Variants in KCNQ1OT1 observed in about 807,000 individuals in gnomAD.
KCNQ1OT1 encodes KCNQ1 opposite strand/antisense transcript 1.
At chr11:2,665,763 T>C in exon 1 of KCNQ1OT1, 1 of 398,482 alleles carries the variant, frequency 2.5e-6, no homozygotes, top group Non-Finnish European at 4.4e-6. Flanking sequence ...GGAGAAGCCC[T>C]AGGATTGCTG....
rs2133799306 is a variant in KCNQ1OT1, at chr11:2,617,544, G to A, written n.82451C>T. 2 of 398,458 alleles carry A rather than the reference G, an allele frequency of 5.0e-6. No individual in the cohort carries two copies. The highest frequency in any genetic ancestry group is 8.9e-6 in the Non-Finnish European group (2 of 225,960). The allele number at this position is 398,458 out of a possible 1,614,324, so 24.7% of individuals were successfully genotyped here. A position where few individuals can be genotyped will look rare whatever the true frequency, so the allele number is the denominator to read the frequency against. On this transcript the variant is annotated non_coding_transcript_exon_variant, in exon 1 of 1. Transcript: ENST00000597346. The surrounding 1 kb of genome is among the most constrained non-coding windows in gnomAD (Gnocchi z 4.6). ...AATATAGGAGCGCAGATATCTTTAT[G>A]AGGTGGAGATTTCATTTTCTTTGGG...
exon 1 of KCNQ1OT1, chr11:2,640,806 C>G (rs933519689): frequency 2.5e-6 from 1 of 398,734 alleles, no homozygotes; most frequent in Middle Eastern, 5.7e-4. Context: ...TTTTTACCCA[C>G]TAACCAACCT....
exon 1 of KCNQ1OT1, chr11:2,649,222 T>A (rs1849719511): frequency 5.0e-6 from 2 of 398,314 alleles, no homozygotes; most frequent in Admixed American, 4.4e-5. Flanking sequence ...AAGATTGTTA[T>A]CAATAGGTGA....
Position 2,668,492 on chromosome 11 carries a change from G to T in KCNQ1OT1, n.31503C>A. On this transcript the variant is annotated non_coding_transcript_exon_variant, in exon 1 of 1. Coordinates refer to ENST00000597346, the Ensembl canonical transcript of KCNQ1OT1. This position sits in a 1 kb window ranked among gnomAD's most constrained non-coding sequence, Gnocchi z 4.3. Reference sequence around the variant, plus strand: ...TCGTTTCCTTTTCAGCCATGATGGTGAATGTCTAGCAGCATCAAATGGTGA... The same window carrying T: ...TCGTTTCCTTTTCAGCCATGATGGTTAATGTCTAGCAGCATCAAATGGTGA... 1 of 398,610 alleles carries T rather than the reference G, an allele frequency of 2.5e-6. No homozygotes were observed. The highest frequency in any genetic ancestry group is 1.3e-4 in the South Asian group (1 of 7,850). The allele number at this position is 398,610 out of a possible 1,614,324, so 24.7% of individuals were successfully genotyped here.
In KCNQ1OT1 at chr11:2,647,207, C is replaced by G. The variant is rs1217640514; in HGVS notation, n.52788G>C. The G allele has an allele frequency of 2.5e-6, 1 of 398,132 alleles. No homozygotes were observed. Among genetic ancestry groups the G allele is most frequent in the Non-Finnish European group, 4.4e-6 (1 of 225,984 alleles). The allele number at this position is 398,132 out of a possible 1,614,324, so 24.7% of individuals were successfully genotyped here. On this transcript the variant is annotated non_coding_transcript_exon_variant, in exon 1 of 1. Coordinates refer to ENST00000597346, the Ensembl canonical transcript of KCNQ1OT1. The surrounding 1 kb of genome is among the most constrained non-coding windows in gnomAD (Gnocchi z 4.0). ...AAGAGATTTTGAATTTTATCAGATG[C>G]TTTTTCTGCATCTATTGAGATGATC... is the stretch of plus-strand genomic sequence containing the variant.
Position 2,670,745 on chromosome 11 carries a change from G to A in KCNQ1OT1, n.29250C>T, listed in dbSNP as rs1850169311. 1.0e-5 allele frequency: 4 copies of A among 398,474 alleles called. No individual in the cohort carries two copies. Among genetic ancestry groups the A allele is most frequent in the Non-Finnish European group, 1.3e-5 (3 of 226,088 alleles). The allele number at this position is 398,474 out of a possible 1,614,324, so 24.7% of individuals were successfully genotyped here. On this transcript the variant is annotated non_coding_transcript_exon_variant, in exon 1 of 1. Transcript: ENST00000597346. This position sits in a 1 kb window ranked among gnomAD's most constrained non-coding sequence, Gnocchi z 4.9. ...GGGAACAGTCTGCAGATATTATCTG[G>A]GCACTGGCCAGTGGCTCTTGTGGCT... is the stretch of plus-strand genomic sequence containing the variant.
In KCNQ1OT1 at chr11:2,698,876, A is replaced by T. The variant is rs1260144935; in HGVS notation, n.1119T>A. On this transcript the variant is annotated non_coding_transcript_exon_variant, in exon 1 of 1. Transcript: ENST00000597346. This position sits in a 1 kb window ranked among gnomAD's most constrained non-coding sequence, Gnocchi z 5.1. ...CAGACCCGGACTGACTGGGACCCCA[A>T]CTACTCAGATCCCAACTCAGGCAAA... 2.5e-6 allele frequency: 1 copy of T among 398,660 alleles called. No individual in the cohort carries two copies. Among genetic ancestry groups the T allele is most frequent in the African/African-American group, 2.1e-5 (1 of 48,606 alleles). The allele number at this position is 398,660 out of a possible 1,614,324, so 24.7% of individuals were successfully genotyped here.
exon 1 of KCNQ1OT1, chr11:2,632,630 A>G (rs1021464769): frequency 1.8e-5 from 7 of 398,280 alleles, no homozygotes; most frequent in African/African-American, 1.4e-4. Flanking sequence ...GGTAATTAGC[A>G]TATTCATCAA....
At chr11:2,696,982 A>C (rs899089895) in exon 1 of KCNQ1OT1, 3 of 397,840 alleles carry the variant, frequency 7.5e-6, no homozygotes, top group African/African-American at 6.2e-5. Flanking sequence ...TTTTTTTTCC[A>C]TGTAGCCCAG....
At chr11:2,667,605 C>A in exon 1 of KCNQ1OT1, 1 of 398,548 alleles carries the variant, frequency 2.5e-6, no homozygotes, top group South Asian at 1.3e-4. Flanking sequence ...GCGGGGGGCA[C>A]ATCCCATATA....
rs1850516157 is a variant in KCNQ1OT1 at position 2,687,779 on chromosome 11, CA to C, written n.12215del. On this transcript the variant is annotated non_coding_transcript_exon_variant, in exon 1 of 1. Coordinates refer to ENST00000597346, the Ensembl canonical transcript of KCNQ1OT1. This position sits in a 1 kb window ranked among gnomAD's most constrained non-coding sequence, Gnocchi z 5.0. ...AGAGGAGCCCCTTAGCAGGCCTAAC[CA>C]CACCCCTAAGCCACCCAGCCTGGCC... 1 of 398,682 alleles carries C rather than the reference CA, an allele frequency of 2.5e-6. No homozygotes were observed. The highest frequency in any genetic ancestry group is 4.4e-6 in the Non-Finnish European group (1 of 226,228). The allele number at this position is 398,682 out of a possible 1,614,324, so 24.7% of individuals were successfully genotyped here.
Position 2,620,166 on chromosome 11 carries a change from C to T in KCNQ1OT1, n.79829G>A. Reference sequence around the variant, plus strand: ...TTAAGATAGTGGCCTCTAGCTGCATCCATGTTGCTGCAAAGGACGTAAGTT... The same window carrying T: ...TTAAGATAGTGGCCTCTAGCTGCATTCATGTTGCTGCAAAGGACGTAAGTT... On this transcript the variant is annotated non_coding_transcript_exon_variant, in exon 1 of 1. Coordinates refer to ENST00000597346, the Ensembl canonical transcript of KCNQ1OT1. This position sits in a 1 kb window ranked among gnomAD's most constrained non-coding sequence, Gnocchi z 4.5. 2.5e-6 allele frequency: 1 copy of T among 395,350 alleles called. No individual in the cohort carries two copies. The highest frequency in any genetic ancestry group is 4.4e-5 in the Admixed American group (1 of 22,616). The allele number at this position is 395,350 out of a possible 1,614,324, so 24.5% of individuals were successfully genotyped here.
At chr11:2,609,329 C>T (rs1050872873) in exon 1 of KCNQ1OT1, 6 of 398,198 alleles carry the variant, frequency 1.5e-5, no homozygotes, top group Non-Finnish European at 1.8e-5. Context: ...GTGTATGTTT[C>T]CCTAATTTCT....
chr11:2,632,006 C>A (rs993138675), exon 1 of KCNQ1OT1: 5 of 395,850 alleles, frequency 1.3e-5, no homozygotes, highest in Non-Finnish European at 2.2e-5. Context: ...CATGGTGAAA[C>A]CCCATCTCTA....
At chr11:2,618,143 G>A in exon 1 of KCNQ1OT1, 1 of 398,412 alleles carries the variant, frequency 2.5e-6, no homozygotes, top group East Asian at 3.6e-5. Context: ...TCTTCTGGTT[G>A]TGGGTTTTGG....
Position 2,645,475 on chromosome 11 carries a change from C to G in KCNQ1OT1, n.54520G>C. On this transcript the variant is annotated non_coding_transcript_exon_variant, in exon 1 of 1. Transcript: ENST00000597346. This position sits in a 1 kb window ranked among gnomAD's most constrained non-coding sequence, Gnocchi z 5.8. ...AGGCACAGGAAGATCCCTGTATACC[C>G]TGCTGAATGCTCATGTTGGGGCAGC... 2 of 398,710 alleles carry G rather than the reference C, an allele frequency of 5.0e-6. No homozygotes were observed. Among genetic ancestry groups the G allele is most frequent in the Non-Finnish European group, 8.8e-6 (2 of 226,156 alleles). The allele number at this position is 398,710 out of a possible 1,614,324, so 24.7% of individuals were successfully genotyped here. A position where few individuals can be genotyped will look rare whatever the true frequency, so the allele number is the denominator to read the frequency against.
In KCNQ1OT1 at chr11:2,659,264, A is replaced by G. The variant is rs1849908640; in HGVS notation, n.40731T>C. 1 of 398,432 alleles carries G rather than the reference A, an allele frequency of 2.5e-6. No homozygotes were observed. The highest frequency in any genetic ancestry group is 1.3e-4 in the South Asian group (1 of 7,860). 24.7% of individuals were successfully genotyped at this position (398,432 alleles called of 1,614,324 possible). A position where few individuals can be genotyped will look rare whatever the true frequency, so the allele number is the denominator to read the frequency against. Reference sequence around the variant, plus strand: ...TGGGGTGAGTCTTTTGAAGTCAAGTACTTCTCCCCTAACCACTGGCAGCTA... The same window carrying G: ...TGGGGTGAGTCTTTTGAAGTCAAGTGCTTCTCCCCTAACCACTGGCAGCTA... On this transcript the variant is annotated non_coding_transcript_exon_variant, in exon 1 of 1. Coordinates refer to ENST00000597346, the Ensembl canonical transcript of KCNQ1OT1. The surrounding 1 kb of genome is among the most constrained non-coding windows in gnomAD (Gnocchi z 4.3).
At chr11:2,694,608 G>A (rs1054298087) in exon 1 of KCNQ1OT1, 14 of 398,440 alleles carry the variant, frequency 3.5e-5, no homozygotes, top group South Asian at 1.3e-4. Context: ...CTCTTCCTTC[G>A]TTCAATAAAT....
exon 1 of KCNQ1OT1, chr11:2,656,913 T>C (rs1849860705): frequency 2.5e-6 from 1 of 398,504 alleles, no homozygotes; most frequent in South Asian, 1.3e-4. Context: ...GTGAGGTAAT[T>C]AAGGGTCCAA....
Sources: allele counts gnomAD v4.1 joint callset, GRCh38; gene constraint gnomAD v4.1.1; non-coding constraint Gnocchi (gnomAD v3.1); transcripts MANE v1.5; gene names NCBI Gene and HGNC (gene_info 2026-07-23, HGNC 2026-07-21).